Variants in GNG7 observed in about 807,000 individuals in gnomAD.
GNG7 encodes G protein subunit gamma 7, also known as guanine nucleotide-binding protein G(I)/G(S)/G(O) subunit gamma-7.
A neutral mutation model predicts 4.0 loss-of-function variants in GNG7; 1 was observed. That is an observed-to-expected ratio of 0.25 (90% CI 0.09 to 1.18). The LOEUF (loss-of-function observed/expected upper bound fraction) is 1.18, where lower values mean the gene tolerates loss of function less well. GNG7 is among the 50% of genes most tolerant of loss of function. GNG7 has a pLI of 0.50. For synonymous variants in GNG7, 34 were observed against 36.9 expected, an observed-to-expected ratio of 0.92 and a Z score of 0.29; for missense variants, 86 against 91.9, an observed-to-expected ratio of 0.94 and a Z score of 0.26.
At position 2,514,811 on chromosome 19, in the gene GNG7, C is replaced by T; in HGVS notation, c.*211G>A. 2.1e-6 allele frequency: 1 copy of T among 470,966 alleles called. No individual in the cohort carries two copies. The highest frequency in any genetic ancestry group is 2.7e-5 in the South Asian group (1 of 37,330). 29.2% of individuals were successfully genotyped at this position (470,966 alleles called of 1,614,324 possible). A position where few individuals can be genotyped will look rare whatever the true frequency, so the allele number is the denominator to read the frequency against. On this transcript the variant is annotated 3_prime_UTR_variant, in exon 5 of 5. Coordinates refer to ENST00000382159, the MANE Select transcript of GNG7 (RefSeq NM_052847.3). ...TGGGGTCGGACCTGAAAATTCATCT[C>T]CACCTACAAGGTCCATTCTACCCCA...
intron 2 of GNG7, among the ~76,000 whole-genome samples, chr19:2,593,928 C>G (rs868781647): frequency 3.0e-5 from 4 of 134,598 alleles, no homozygotes; most frequent in African/African-American, 1.1e-4. Flanking sequence ...TATTTGATGC[C>G]AAAAAAAAAA....
At chr19:2,677,414 T>C (rs1189438303) in intron 1 of GNG7, among the ~76,000 whole-genome samples, 1 of 151,868 alleles carries the variant, frequency 6.6e-6, no homozygotes, top group Non-Finnish European at 1.5e-5. Flanking sequence ...GGGATGCTGA[T>C]CAGAACCTTG....
In GNG7 at chr19:2,669,204, G is replaced by A. The variant is rs113625370; in HGVS notation, c.-134-22924C>T. Among the ~76,000 whole-genome samples, 758 of 152,220 alleles carry A rather than the reference G, an allele frequency of 5.0e-3. 11 individuals carry two copies. The highest frequency in any genetic ancestry group is 0.018 in the African/African-American group (728 of 41,528). On this transcript the variant is annotated intron_variant, in intron 1 of 4. Coordinates refer to ENST00000382159, the MANE Select transcript of GNG7 (RefSeq NM_052847.3). ...ACATGGCAAGAATCAGAAAACTACC[G>A]CTGTGGGTTGGGCGCGGTGGCTCAC...
chr19:2,520,468 T>G, intron 4 of GNG7, 140 bp downstream of exon 4: 1 of 585,910 alleles, frequency 1.7e-6, no homozygotes, highest in South Asian at 2.0e-5. Context: ...CTCAGAGAGG[T>G]TAAGGGAGGG....
At chr19:2,655,257 T>C (rs921115064) in intron 1 of GNG7, among the ~76,000 whole-genome samples, 10 of 143,164 alleles carry the variant, frequency 7.0e-5, no homozygotes, top group African/African-American at 2.6e-4. Context: ...AAAGAGGGGG[T>C]TAAATAATCT....
chr19:2,523,599 G>A (rs1021692689), intron 3 of GNG7, among the ~76,000 whole-genome samples: 2 of 152,070 alleles, frequency 1.3e-5, no homozygotes, highest in Non-Finnish European at 2.9e-5. Flanking sequence ...AAGCCTACAT[G>A]AGTGATAAAC....
At chr19:2,534,631 C>T (rs555853141) in intron 3 of GNG7, among the ~76,000 whole-genome samples, 1 of 152,208 alleles carries the variant, frequency 6.6e-6, no homozygotes, top group East Asian at 1.9e-4. Flanking sequence ...AAACTAAGAC[C>T]CAGAGAAGGT....
intron 2 of GNG7, among the ~76,000 whole-genome samples, chr19:2,588,519 A>G (rs905327460): frequency 7.9e-5 from 12 of 152,222 alleles, no homozygotes; most frequent in Admixed American, 3.3e-4. Flanking sequence ...CCCGGCTGGG[A>G]AAAAAGCAGG....
chr19:2,572,683 T>C (rs1254596791), intron 2 of GNG7, among the ~76,000 whole-genome samples: 1 of 150,760 alleles, frequency 6.6e-6, no homozygotes, highest in East Asian at 1.9e-4. Flanking sequence ...AGCCTTGAAT[T>C]CCTGGGCTCA....
intron 3 of GNG7, among the ~76,000 whole-genome samples, chr19:2,533,682 G>A (rs1042400924): frequency 1.7e-4 from 26 of 152,112 alleles, no homozygotes; most frequent in African/African-American, 6.0e-4. Flanking sequence ...GGGGAAATAA[G>A]GGCATTTTCA....
chr19:2,650,515 ACT>A lies in GNG7; in HGVS notation c.-134-4237_-134-4236del, dbSNP rs1599441963. Among the ~76,000 whole-genome samples, 4 of 151,912 alleles carry A rather than the reference ACT, an allele frequency of 2.6e-5. No homozygotes were observed. In the East Asian group the frequency reaches 7.7e-4, roughly 29 times the overall value. ...GGAATCATTTTTAAGATGAGTTCTC[ACT>A]CTCTGCCTTCACTGCAAACCTCCCT... On this transcript the variant is annotated intron_variant, in intron 1 of 4. Transcript: ENST00000382159.
At chr19:2,637,423 C>A (rs1343312588) in intron 2 of GNG7, among the ~76,000 whole-genome samples, 3 of 152,266 alleles carry the variant, frequency 2.0e-5, no homozygotes. Flanking sequence ...CTCACAGCCT[C>A]GCTCTCCTCC....
chr19:2,694,746 C>T (rs977742503), intron 1 of GNG7, among the ~76,000 whole-genome samples: 1 of 151,554 alleles, frequency 6.6e-6, no homozygotes, highest in Non-Finnish European at 1.5e-5. Context: ...TCTTGGAGTC[C>T]GTGGACTCCC....
At chr19:2,555,687 G>C (rs1444320910) in intron 2 of GNG7, among the ~76,000 whole-genome samples, 2 of 152,204 alleles carry the variant, frequency 1.3e-5, no homozygotes, top group African/African-American at 4.8e-5. Context: ...CAGGTATACG[G>C]GGGGCAGGAA....
In GNG7 at chr19:2,515,129, C is replaced by T; in HGVS notation, c.100G>A (p.Asp34Asn). The T allele has an allele frequency of 6.2e-7, 1 of 1,613,964 alleles. No homozygotes were observed. Among genetic ancestry groups the T allele is most frequent in the Non-Finnish European group, 8.5e-7 (1 of 1,179,980 alleles). ...ERIKVSKAASDLMSYCEQHAR... is the reference protein window; with the variant it reads ...ERIKVSKAASNLMSYCEQHAR... Reference sequence around the variant, plus strand: ...TGTTGCTCACAGTAGCTCATGAGGTCAGACGCCGCTTTGGAGACCTGTGTT... The same window carrying T: ...TGTTGCTCACAGTAGCTCATGAGGTTAGACGCCGCTTTGGAGACCTGTGTT... The change falls in exon 5 of 5, where the codon GAC becomes AAC. Residue 34 changes from aspartate to asparagine, a missense_variant. Coordinates refer to ENST00000382159, the MANE Select transcript of GNG7 (RefSeq NM_052847.3).
At chr19:2,606,855 A>C (rs1981399762) in intron 2 of GNG7, among the ~76,000 whole-genome samples, 1 of 151,896 alleles carries the variant, frequency 6.6e-6, no homozygotes, top group Non-Finnish European at 1.5e-5. Flanking sequence ...AAGTTTCTGG[A>C]ACTAGATAGA....
chr19:2,658,700 G>A (rs1983060034), intron 1 of GNG7, among the ~76,000 whole-genome samples: 1 of 152,226 alleles, frequency 6.6e-6, no homozygotes, highest in African/African-American at 2.4e-5. Flanking sequence ...CGCTTAGGAG[G>A]TCCCTAGAGA....
chr19:2,692,828 A>T (rs1376211575), intron 1 of GNG7, among the ~76,000 whole-genome samples: 2 of 150,414 alleles, frequency 1.3e-5, no homozygotes, highest in South Asian at 2.1e-4. Context: ...TCTACAAAAG[A>T]TACAAAAATT....
intron 1 of GNG7, among the ~76,000 whole-genome samples, chr19:2,684,969 C>T (rs919005747): frequency 3.9e-5 from 6 of 151,922 alleles, no homozygotes; most frequent in African/African-American, 1.4e-4. Context: ...ACTAAAAATA[C>T]AAAAATTAGA....
Sources: allele counts gnomAD v4.1 joint callset (sites outside exome capture counted in the v4.1 genomes callset), GRCh38; gene constraint gnomAD v4.1.1; transcripts MANE v1.5; gene names NCBI Gene and HGNC (gene_info 2026-07-23, HGNC 2026-07-21).